The following SGCD variants were observed in gnomAD, a reference collection of about 807,000 sequenced individuals.
SGCD encodes sarcoglycan delta, also known as delta-sarcoglycan.
In SGCD, 18 loss-of-function variants were observed where a neutral mutation model predicts 36.6. That is an observed-to-expected ratio of 0.49 (90% CI 0.34 to 0.73). The LOEUF is 0.73. Among genes scored for constraint, SGCD ranks in the 30% least tolerant of loss-of-function variants. The probability of loss-of-function intolerance (pLI) is 0.01; values close to 1 mark genes in which losing one functional copy is unlikely to be tolerated. For synonymous variants in SGCD, 133 were observed against 130.6 expected (o/e 1.02, Z -0.12); for missense variants, 387 against 346.7 (o/e 1.12, Z -0.92).
intron 3 of SGCD, among the ~76,000 whole-genome samples, chr5:156,183,790 A>G (rs1763666350): frequency 6.6e-6 from 1 of 152,142 alleles, no homozygotes; most frequent in Non-Finnish European, 1.5e-5. Context: ...AGGGGAGAGA[A>G]AGTAAGTGGG....
At chr5:156,340,864 A>T (rs994068402) in intron 2 of SGCD, among the ~76,000 whole-genome samples, 2 of 152,252 alleles carry the variant, frequency 1.3e-5, no homozygotes, top group Non-Finnish European at 2.9e-5. Context: ...ATTTTTGATT[A>T]GAAAAATGAA....
chr5:155,956,996 G>T (rs1302082169), intron 1 of SGCD, among the ~76,000 whole-genome samples: 1 of 152,070 alleles, frequency 6.6e-6, no homozygotes, highest in Non-Finnish European at 1.5e-5. Context: ...GGGAAGGGCT[G>T]CAGTGTTGCT....
intron 1 of SGCD, among the ~76,000 whole-genome samples, chr5:156,071,762 G>A (rs1211938896): frequency 1.3e-5 from 2 of 152,172 alleles, no homozygotes; most frequent in Non-Finnish European, 2.9e-5. Flanking sequence ...TTGTGTGGGA[G>A]TCTAAATCTC....
At chr5:156,251,414 A>T (rs1351108239) in intron 3 of SGCD, among the ~76,000 whole-genome samples, 1 of 152,078 alleles carries the variant, frequency 6.6e-6, no homozygotes. Flanking sequence ...ATCTTTCCAG[A>T]CCCTTTCCTG....
At chr5:156,376,326 A>T (rs776977302) in intron 3 of SGCD, among the ~76,000 whole-genome samples, 3 of 152,196 alleles carry the variant, frequency 2.0e-5, no homozygotes, top group African/African-American at 7.2e-5. Context: ...ATTTACATGT[A>T]CATCTGTTGA....
At chr5:156,605,028 C>CT (rs1270311329) in intron 6 of SGCD, among the ~76,000 whole-genome samples, 12 of 149,342 alleles carry the variant, frequency 8.0e-5, no homozygotes, top group Non-Finnish European at 1.0e-4. Context: ...GAATTTACTT[C>CT]TTTTTTTTTC....
At chr5:155,879,326 T>G (rs1755831806) in intron 1 of SGCD, among the ~76,000 whole-genome samples, 1 of 152,186 alleles carries the variant, frequency 6.6e-6, no homozygotes, top group Admixed American at 6.5e-5. Flanking sequence ...CTAGAGTGAT[T>G]TCACTTTTCG....
chr5:156,106,246 T>C (rs1022773310), intron 1 of SGCD, among the ~76,000 whole-genome samples: 1 of 151,524 alleles, frequency 6.6e-6, no homozygotes, highest in African/African-American at 2.4e-5. Flanking sequence ...ATTGAAATCA[T>C]TTAAATGGAA....
At chr5:156,437,177 T>C (rs1316851879) in intron 3 of SGCD, among the ~76,000 whole-genome samples, 2 of 152,178 alleles carry the variant, frequency 1.3e-5, no homozygotes, top group Non-Finnish European at 2.9e-5. Flanking sequence ...CTAATACTTA[T>C]TTTAAAGTAT....
the SGCD span, among the ~76,000 whole-genome samples, chr5:155,864,947 C>T: frequency 6.6e-6 from 1 of 152,134 alleles, no homozygotes; most frequent in Non-Finnish European, 1.5e-5. Flanking sequence ...GGGCATTTTA[C>T]ATAAGGAAGC....
intron 3 of SGCD, among the ~76,000 whole-genome samples, chr5:156,159,674 A>G (rs1763044848): frequency 1.3e-5 from 2 of 151,688 alleles, no homozygotes; most frequent in South Asian, 4.1e-4. Context: ...GAAATATAGA[A>G]AAGTATCTAC....
chr5:156,030,921 C>A (rs1759336560), intron 1 of SGCD, among the ~76,000 whole-genome samples: 1 of 152,128 alleles, frequency 6.6e-6, no homozygotes, highest in Non-Finnish European at 1.5e-5. Flanking sequence ...TGTACTAGGG[C>A]ATGTTTTTGA....
chr5:156,282,364 G>T (rs1766476044), intron 3 of SGCD, among the ~76,000 whole-genome samples: 2 of 152,116 alleles, frequency 1.3e-5, no homozygotes, highest in Non-Finnish European at 2.9e-5. Context: ...AGGGGGAAAG[G>T]GTTGTTTATA....
intron 3 of SGCD, among the ~76,000 whole-genome samples, chr5:156,141,815 T>G (rs1489764649): frequency 6.6e-6 from 1 of 152,222 alleles, no homozygotes; most frequent in African/African-American, 2.4e-5. Flanking sequence ...CTTAAGACAT[T>G]CTGTAACAGG....
intron 4 of SGCD, among the ~76,000 whole-genome samples, chr5:156,528,846 C>A (rs1433626482): frequency 6.6e-6 from 1 of 152,148 alleles, no homozygotes; most frequent in African/African-American, 2.4e-5. Context: ...TCCAGTCCTT[C>A]AAAGCTTTGG....
intron 3 of SGCD, among the ~76,000 whole-genome samples, chr5:156,366,151 C>T (rs982739078): frequency 2.0e-5 from 3 of 152,328 alleles, no homozygotes; most frequent in Admixed American, 6.5e-5. Context: ...AGAGCAGCAT[C>T]GCGCTGGGAT....
At chr5:155,913,055 A>G (rs983778090) in intron 1 of SGCD, among the ~76,000 whole-genome samples, 1 of 152,092 alleles carries the variant, frequency 6.6e-6, no homozygotes, top group Non-Finnish European at 1.5e-5. Flanking sequence ...GATATTGTCA[A>G]TGTCTTTTCA....
chr5:156,339,974 ATGGAAAGATAAT>A (rs1768561717), intron 2 of SGCD, among the ~76,000 whole-genome samples: 1 of 152,212 alleles, frequency 6.6e-6, no homozygotes. Flanking sequence ...TGTATGGACA[ATGGAAAGATAAT>A]TATTTTTATG....
At chr5:156,435,561 T>C (rs762677560) in intron 3 of SGCD, among the ~76,000 whole-genome samples, 6 of 152,202 alleles carry the variant, frequency 3.9e-5, no homozygotes, top group Non-Finnish European at 8.8e-5. Context: ...TATTTAGATA[T>C]CAGCTGTTGC....
Sources: allele counts gnomAD v4.1 joint callset (sites outside exome capture counted in the v4.1 genomes callset), GRCh38; gene constraint gnomAD v4.1.1; transcripts MANE v1.5; gene names NCBI Gene and HGNC (gene_info 2026-07-23, HGNC 2026-07-21).